Variants in ADGRB3 observed in about 807,000 individuals in gnomAD.
ADGRB3 encodes adhesion G protein-coupled receptor B3, also known as brain-specific angiogenesis inhibitor 3.
Under a neutral mutation model 193.4 loss-of-function variants are expected in ADGRB3, and 37 were observed. The observed-to-expected ratio is 0.19, with a 90% CI of 0.15 to 0.25. The LOEUF (loss-of-function observed/expected upper bound fraction) is 0.25, where lower values mean the gene tolerates loss of function less well. Among genes scored for constraint, ADGRB3 ranks in the 10% least tolerant of loss-of-function variants. The pLI, the probability that ADGRB3 is intolerant of heterozygous loss-of-function variation, is 1.00. For missense variants in ADGRB3, 1,637 were observed against 1,852.9 expected (o/e 0.88, Z 2.14); for synonymous variants, 690 against 644.2 (o/e 1.07, Z -1.08).
intron 26 of ADGRB3, among the ~76,000 whole-genome samples, chr6:69,346,310 A>G (rs1489856427): frequency 6.6e-6 from 1 of 152,224 alleles, no homozygotes; most frequent in African/African-American, 2.4e-5. Flanking sequence ...ACAAAGCTGG[A>G]GGCATCATGC....
At chr6:69,162,701 T>C (rs566854932) in intron 17 of ADGRB3, among the ~76,000 whole-genome samples, 1 of 152,212 alleles carries the variant, frequency 6.6e-6, no homozygotes, top group Non-Finnish European at 1.5e-5. Context: ...TGAGTGAAAA[T>C]GATTTTAAGT....
In ADGRB3 at chr6:68,635,798, A is replaced by C; in HGVS notation, c.-390A>C. 1.4e-5 allele frequency: 2 copies of C among 147,074 alleles called. No homozygotes were observed. Among genetic ancestry groups the C allele is most frequent in the African/African-American group, 5.1e-5 (2 of 39,142 alleles). The allele number at this position is 147,074 out of a possible 1,614,324, so 9.1% of individuals were successfully genotyped here. Reference sequence around the variant, plus strand: ...GGCTTTTTTTTCCTCTCTCTCATCGACCCCCCTTTGGTTCCCACCCCCCAC... The same window carrying C: ...GGCTTTTTTTTCCTCTCTCTCATCGCCCCCCCTTTGGTTCCCACCCCCCAC... On this transcript the variant is annotated 5_prime_UTR_variant, in exon 1 of 32. Transcript: ENST00000370598.
intron 3 of ADGRB3, among the ~76,000 whole-genome samples, chr6:68,877,687 T>C (rs2150222906): frequency 6.6e-6 from 1 of 152,276 alleles, no homozygotes; most frequent in South Asian, 2.1e-4. Context: ...CTTCTTGCAA[T>C]TTATTGGTTT....
intron 16 of ADGRB3, among the ~76,000 whole-genome samples, chr6:69,067,981 C>T (rs925608571): frequency 6.6e-6 from 1 of 152,152 alleles, no homozygotes; most frequent in East Asian, 1.9e-4. Context: ...GAATTTCAGA[C>T]ATGAGAGCCA....
intron 3 of ADGRB3, among the ~76,000 whole-genome samples, chr6:68,824,099 T>G (rs184471288): frequency 6.6e-6 from 1 of 152,310 alleles, no homozygotes; most frequent in Non-Finnish European, 1.5e-5. Flanking sequence ...CCTTCATCAA[T>G]TCTGGGAAAT....
chr6:69,177,963 A>C (rs142770418), intron 17 of ADGRB3, among the ~76,000 whole-genome samples: 2 of 152,282 alleles, frequency 1.3e-5, no homozygotes, highest in East Asian at 3.9e-4. Context: ...CAATTGGTCA[A>C]GTGTCAGAGT....
At chr6:68,965,389 G>C (rs537680444) in intron 8 of ADGRB3, among the ~76,000 whole-genome samples, 48 of 151,980 alleles carry the variant, frequency 3.2e-4, no homozygotes, top group African/African-American at 1.1e-3. Flanking sequence ...CCAAACACAA[G>C]AATTCATGAA....
At chr6:69,028,449 A>G (rs957870547) in intron 13 of ADGRB3, among the ~76,000 whole-genome samples, 5 of 152,312 alleles carry the variant, frequency 3.3e-5, no homozygotes, top group Admixed American at 2.0e-4. Flanking sequence ...CAGCTTTACA[A>G]ATGTTATGTG....
At chr6:68,638,019 G>A (rs112304446) in intron 2 of ADGRB3, among the ~76,000 whole-genome samples, 2,092 of 152,318 alleles carry the variant, frequency 0.014, 52 homozygotes, top group African/African-American at 0.046. Context: ...GAATGCCCAT[G>A]TTTTTGCAAA....
chr6:68,666,388 C>T (rs1349163262), intron 3 of ADGRB3, among the ~76,000 whole-genome samples: 1 of 151,852 alleles, frequency 6.6e-6, no homozygotes, highest in Non-Finnish European at 1.5e-5. Flanking sequence ...GTTGTCTATT[C>T]ATGTGACTGT....
intron 17 of ADGRB3, among the ~76,000 whole-genome samples, chr6:69,090,713 G>A (rs1462902655): frequency 2.6e-5 from 4 of 152,148 alleles, no homozygotes; most frequent in African/African-American, 9.7e-5. Context: ...CTATACCTGA[G>A]CTAATTAGCT....
intron 3 of ADGRB3, among the ~76,000 whole-genome samples, chr6:68,794,477 A>C (rs1258530358): frequency 6.6e-6 from 1 of 152,132 alleles, no homozygotes; most frequent in Non-Finnish European, 1.5e-5. Flanking sequence ...TGGGGGAAGA[A>C]ATTTATGCTG....
chr6:68,884,207 G>A (rs1043045779), intron 3 of ADGRB3, among the ~76,000 whole-genome samples: 2 of 152,124 alleles, frequency 1.3e-5, no homozygotes, highest in African/African-American at 4.8e-5. Context: ...TTCCTTAGTA[G>A]GTACTTTATG....
At chr6:68,687,508 GC>G (rs1431247358) in intron 3 of ADGRB3, among the ~76,000 whole-genome samples, 1 of 151,998 alleles carries the variant, frequency 6.6e-6, no homozygotes, top group Non-Finnish European at 1.5e-5. Flanking sequence ...TGCATATTTT[GC>G]CATGTATGTT....
chr6:69,281,613 G>GAGAACTTA (rs1767438475), intron 20 of ADGRB3, among the ~76,000 whole-genome samples: 2 of 152,280 alleles, frequency 1.3e-5, no homozygotes, highest in African/African-American at 4.8e-5. Flanking sequence ...ATTGCTCTAA[G>GAGAACTTA]TTCTCTCAAA....
Position 68,695,928 on chromosome 6 carries a change from T to C in ADGRB3, c.757+56496T>C, listed in dbSNP as rs568220092. The stretch of plus-strand genomic sequence containing the variant: ...AAGGAGCTGGATTCTCAGATGTTCT[T>C]GGCTTCCCCCATTTGCATATCTAGG... On this transcript the variant is annotated intron_variant, in intron 3 of 31. Coordinates refer to ENST00000370598, the MANE Select transcript of ADGRB3 (RefSeq NM_001704.3). 3.9e-5 allele frequency among the ~76,000 whole-genome samples: 6 copies of C among 152,178 alleles called. No homozygotes were observed. In the South Asian group the frequency reaches 8.3e-4, roughly 21 times the overall value.
At chr6:69,073,261 C>T (rs886355499) in intron 16 of ADGRB3, among the ~76,000 whole-genome samples, 2 of 151,898 alleles carry the variant, frequency 1.3e-5, no homozygotes, top group Non-Finnish European at 2.9e-5. Flanking sequence ...GACCCCACCT[C>T]ATCAAAGGGC....
intron 17 of ADGRB3, among the ~76,000 whole-genome samples, chr6:69,097,372 T>C (rs1490285085): frequency 6.6e-6 from 1 of 152,230 alleles, no homozygotes; most frequent in African/African-American, 2.4e-5. Context: ...TTGGATGAAT[T>C]AATTAACTTT....
chr6:69,368,646 G>C (rs147364751), intron 29 of ADGRB3, among the ~76,000 whole-genome samples: 1 of 152,198 alleles, frequency 6.6e-6, no homozygotes, highest in East Asian at 1.9e-4. Flanking sequence ...AGAAGGCAGG[G>C]ATATGAGAGA....
Sources: gnomAD v4.1 joint callset for allele counts (sites outside exome capture counted in the v4.1 genomes callset) on GRCh38, gnomAD v4.1.1 for gene constraint, MANE v1.5 for transcripts, NCBI Gene and HGNC (gene_info 2026-07-23, HGNC 2026-07-21) for gene names.